AVL9: variants seen among roughly 807,000 people sequenced by gnomAD.
AVL9 encodes the protein AVL9 cell migration associated.
In AVL9, 49 loss-of-function variants were observed where a neutral mutation model predicts 79.2. That is an observed-to-expected ratio of 0.62 (90% confidence interval 0.49 to 0.79). The LOEUF (loss-of-function observed/expected upper bound fraction) is 0.79. Among genes scored for constraint, AVL9 ranks in the 30% least tolerant of loss-of-function variants. The pLI is 0.00. For synonymous variants in AVL9, 299 were observed against 280.6 expected (o/e 1.07, Z -0.65); for missense variants, 682 against 776.8 (o/e 0.88, Z 1.45).
intron 10 of AVL9, among the ~76,000 whole-genome samples, 171 bp downstream of exon 10, chr7:32,559,635 T>C (rs1329106220): frequency 2.0e-5 from 3 of 152,178 alleles, no homozygotes; most frequent in Non-Finnish European, 4.4e-5. Context: ...ATAGTATAAG[T>C]CTATGGGGAA....
intron 1 of AVL9, chr7:32,532,516 T>G (rs1367559371): frequency 6.6e-6 from 1 of 150,408 alleles, no homozygotes; most frequent in Non-Finnish European, 1.5e-5. Flanking sequence ...TATAATAGAG[T>G]CCTGATATTC....
chr7:32,572,695 A>G lies in AVL9; in HGVS notation c.1351-504A>G, dbSNP rs867534242. Among the ~76,000 whole-genome samples the G allele has an allele frequency of 7.0e-3, 1,008 of 143,256 alleles. 65 individuals carry two copies. Among genetic ancestry groups the G allele is most frequent in the African/African-American group, 0.027 (939 of 34,788 alleles). The allele number at this position is 143,256 out of a possible 152,430, so 94.0% of individuals were successfully genotyped here. On this transcript the variant is annotated intron_variant, in intron 11 of 15. Transcript: ENST00000318709. Reference sequence around the variant, plus strand: ...TGGGCGCCTGTAGTCCCAGCTACTCAGGAGGCTGAGGCAGGAGAATGGCAT... The same window carrying G: ...TGGGCGCCTGTAGTCCCAGCTACTCGGGAGGCTGAGGCAGGAGAATGGCAT...
At chr7:32,507,538 C>G (rs1787462222) in intron 1 of AVL9, among the ~76,000 whole-genome samples, 2 of 152,188 alleles carry the variant, frequency 1.3e-5, no homozygotes, top group Non-Finnish European at 2.9e-5. Flanking sequence ...TTTTGTTCAG[C>G]ATTATGCTTG....
intron 1 of AVL9, among the ~76,000 whole-genome samples, chr7:32,542,454 G>A (rs1319200790): frequency 1.3e-5 from 2 of 151,540 alleles, no homozygotes; most frequent in South Asian, 2.1e-4. Flanking sequence ...TACTCAGGAC[G>A]CTGAGGCAGG....
intron 12 of AVL9, among the ~76,000 whole-genome samples, chr7:32,574,833 T>G (rs1009032043): frequency 2.0e-5 from 3 of 152,218 alleles, no homozygotes; most frequent in African/African-American, 7.2e-5. Flanking sequence ...CTTGAGGAAG[T>G]GTTCTTAGAA....
chr7:32,526,351 TCCAAGGCTCCAGTTCATAA>T (rs1788399012), intron 1 of AVL9, among the ~76,000 whole-genome samples: 1 of 152,150 alleles, frequency 6.6e-6, no homozygotes, highest in Admixed American at 6.6e-5. Flanking sequence ...GGGGCCGTCG[TCCAAGGCTCCAGTTCATAA>T]CCACTTGGAG....
chr7:32,582,097 TC>T (rs1327842962), intron 15 of AVL9, among the ~76,000 whole-genome samples: 1 of 152,236 alleles, frequency 6.6e-6, no homozygotes, highest in East Asian at 1.9e-4. Flanking sequence ...AATTTTTCAT[TC>T]CTTTTCTATA....
chr7:32,563,804 G>T (rs1186289579), intron 10 of AVL9, among the ~76,000 whole-genome samples: 1 of 152,028 alleles, frequency 6.6e-6, no homozygotes, highest in Non-Finnish European at 1.5e-5. Flanking sequence ...AGTCATTGTT[G>T]GTGAATAGTT....
chr7:32,580,775 ACTT>A (rs772811080), intron 14 of AVL9, 24 bp from the exon 15 acceptor site: 10 of 1,572,186 alleles, frequency 6.4e-6, no homozygotes, highest in Admixed American at 1.7e-5. Flanking sequence ...TGTACCTAAC[ACTT>A]CTTTTATCTT....
intron 1 of AVL9, among the ~76,000 whole-genome samples, chr7:32,503,764 C>G (rs1377154498): frequency 4.6e-5 from 7 of 151,876 alleles, no homozygotes; most frequent in Non-Finnish European, 1.0e-4. Flanking sequence ...TTCACTGCAT[C>G]CTCCACCTCC....
intron 1 of AVL9, among the ~76,000 whole-genome samples, chr7:32,526,749 T>TA (rs140982035): frequency 0.012 from 1,798 of 152,212 alleles, 24 homozygotes; most frequent in South Asian, 0.054. Context: ...AGCGGTTTCA[T>TA]ACACATTATA....
chr7:32,537,987 G>A (rs969337910), intron 1 of AVL9: 3 of 152,134 alleles, frequency 2.0e-5, no homozygotes, highest in African/African-American at 7.2e-5. Context: ...AATACTCTGG[G>A]CCCAAGTCAG....
chr7:32,498,980 A>G (rs1228666978), intron 1 of AVL9, among the ~76,000 whole-genome samples: 1 of 12 alleles, frequency 0.083, no homozygotes, highest in African/African-American at 0.5. Context: ...CCTGGACAAC[A>G]CGGTGAAACC....
At chr7:32,526,535 T>TA (rs1166645066) in intron 1 of AVL9, among the ~76,000 whole-genome samples, 4 of 151,702 alleles carry the variant, frequency 2.6e-5, no homozygotes, top group African/African-American at 4.8e-5. Flanking sequence ...CCTGACTGGC[T>TA]AAAAAAAACA....
chr7:32,495,751 G>T lies in AVL9; in HGVS notation c.42G>T (p.Gly14=). 7.9e-7 allele frequency: 1 copy of T among 1,259,928 alleles called. No homozygotes were observed. The highest frequency in any genetic ancestry group is 1.0e-6 in the Non-Finnish European group (1 of 992,440). The allele number at this position is 1,259,928 out of a possible 1,614,324, so 78.0% of individuals were successfully genotyped here. Residue 14 remains glycine (G), a synonymous_variant, in exon 1 of 16, where the codon GGG becomes GGT. Coordinates refer to ENST00000318709, the MANE Select transcript of AVL9 (RefSeq NM_015060.3). ...GAGGCGGGGATGGCGTCCCCCGGGG[G>T]CCCGTACTGCACATCGTGGTGGTCG... ...ARRGGDGVPR[G]PVLHIVVVGF... is the part of the protein sequence containing the mutation.
In AVL9 at chr7:32,586,065, T is replaced by C. The variant is rs1053218366; in HGVS notation, c.*2158T>C. The C allele has an allele frequency of 2.0e-5, 3 of 152,202 alleles. No individual in the cohort carries two copies. The highest frequency in any genetic ancestry group is 7.2e-5 in the African/African-American group (3 of 41,440). 9.4% of individuals were successfully genotyped at this position (152,202 alleles called of 1,614,324 possible). On this transcript the variant is annotated 3_prime_UTR_variant, in exon 16 of 16. Coordinates refer to ENST00000318709, the MANE Select transcript of AVL9 (RefSeq NM_015060.3). ...ATGCTGATTTGTCTTTCAGTTGGTA[T>C]GGTTTCTGTGATCGGGGTAAACTCC... is the stretch of plus-strand genomic sequence containing the variant.
At chr7:32,527,355 CCT>C (rs1430136468) in intron 1 of AVL9, among the ~76,000 whole-genome samples, 1 of 152,008 alleles carries the variant, frequency 6.6e-6, no homozygotes, top group Non-Finnish European at 1.5e-5. Context: ...GGGTTAATAC[CCT>C]CAGTTATGAG....
chr7:32,519,379 C>G (rs138538717), intron 1 of AVL9, among the ~76,000 whole-genome samples: 4,079 of 150,834 alleles, frequency 0.027, 189 homozygotes, highest in African/African-American at 0.093. Context: ...AGTGAGCTGA[C>G]ACTGCGCCAC....
intron 11 of AVL9, among the ~76,000 whole-genome samples, chr7:32,572,637 C>G (rs113945437): frequency 0.012 from 1,811 of 149,866 alleles, 152 homozygotes; most frequent in African/African-American, 0.043. Flanking sequence ...CCCATCTCTA[C>G]TAAAAATACA....
Sources: gnomAD v4.1 joint callset for allele counts (sites outside exome capture counted in the v4.1 genomes callset) on GRCh38, gnomAD v4.1.1 for gene constraint, MANE v1.5 for transcripts, NCBI Gene and HGNC (gene_info 2026-07-23, HGNC 2026-07-21) for gene names.